The following PCDHGA3 variants were observed in gnomAD, a reference collection of about 807,000 sequenced individuals.
PCDHGA3 encodes protocadherin gamma-A3.
Under a neutral mutation model 58.5 loss-of-function variants are expected in PCDHGA3, and 40 were observed. That is an observed-to-expected ratio of 0.68 (90% confidence interval 0.53 to 0.89). The LOEUF is 0.89. PCDHGA3 is among the 40% of genes least tolerant of loss of function. The pLI, the probability that PCDHGA3 is intolerant of heterozygous loss-of-function variation, is 0.00. For missense variants in PCDHGA3, 1,223 were observed against 1,195.9 expected (o/e 1.02, Z -0.33); for synonymous variants, 530 against 525.7 (o/e 1.01, Z -0.11).
rs2150230162 is a variant in PCDHGA3, at chr5:141,383,367, G to T, written c.2424+36910G>T. The T allele has an allele frequency of 1.9e-6, 3 of 1,614,030 alleles. No individual in the cohort carries two copies. The East Asian group carries it at 6.7e-5, about 36-fold the overall frequency. ...CTGGGGTTCGGTTTCCGTTAAGCGA[G>T]GCTGGGGATCCAGATGTGGGCACGA... On this transcript the variant is annotated intron_variant, in intron 1 of 3. Transcript: ENST00000253812.
At chr5:141,359,130 A>G (rs1042094168) in intron 1 of PCDHGA3, among the ~76,000 whole-genome samples, 2 of 152,228 alleles carry the variant, frequency 1.3e-5, no homozygotes, top group South Asian at 4.1e-4. Context: ...TGCAATACAT[A>G]GAGTAAGCTG....
intron 1 of PCDHGA3, chr5:141,400,123 G>T: frequency 6.2e-7 from 1 of 1,614,082 alleles, no homozygotes; most frequent in Non-Finnish European, 8.5e-7. Flanking sequence ...CAGCTTGCAG[G>T]AGGTGCTGCC....
At chr5:141,438,741 A>T (rs1184994731) in intron 1 of PCDHGA3, among the ~76,000 whole-genome samples, 3 of 148,914 alleles carry the variant, frequency 2.0e-5, no homozygotes, top group South Asian at 2.1e-4. Context: ...AGCTCACTGC[A>T]ACCTCTGCCT....
intron 1 of PCDHGA3, among the ~76,000 whole-genome samples, chr5:141,492,084 G>C (rs979755390): frequency 2.0e-5 from 3 of 152,236 alleles, no homozygotes; most frequent in African/African-American, 7.2e-5. Flanking sequence ...GCTCCGGCAC[G>C]CTTCGCCGGT....
At chr5:141,382,988 G>A (rs958046112) in intron 1 of PCDHGA3, 1 of 1,613,208 alleles carries the variant, frequency 6.2e-7, no homozygotes, top group East Asian at 2.2e-5. Context: ...TGGGCAGGAC[G>A]TATTCTCTAC....
In PCDHGA3 at chr5:141,370,866, C is replaced by A. The variant is rs770980502; in HGVS notation, c.2424+24409C>A. On this transcript the variant is annotated intron_variant, in intron 1 of 3. Transcript: ENST00000253812. ...AGCCACATTTGCCCTGGAATCTGCG[C>A]AAGATCCTGATGTAGGTGTCAATTC... 14 of 1,614,050 alleles carry A rather than the reference C, an allele frequency of 8.7e-6. No homozygotes were observed. In the Admixed American group the frequency reaches 2.3e-4, roughly 27 times the overall value.
At chr5:141,376,685 T>TTTTGTTTTG (rs945381584) in intron 1 of PCDHGA3, 1 of 813,646 alleles carries the variant, frequency 1.2e-6, no homozygotes, top group African/African-American at 1.9e-5. Flanking sequence ...CGTTTTTTTT[T>TTTTGTTTTG]TTTTTTTTTT....
intron 1 of PCDHGA3, chr5:141,410,849 CTTTTTTTT>C (rs759346998): frequency 2.0e-4 from 27 of 138,178 alleles, no homozygotes; most frequent in Middle Eastern, 4.3e-3. Context: ...TTGTCTTTGT[CTTTTTTTT>C]TTTTTTTTTT....
chr5:141,436,590 C>T (rs1050788291), intron 1 of PCDHGA3, among the ~76,000 whole-genome samples: 10 of 152,102 alleles, frequency 6.6e-5, no homozygotes, highest in East Asian at 1.9e-4. Context: ...TTTGAAAGGT[C>T]GTGGTGATGG....
chr5:141,349,641 T>A lies in PCDHGA3; in HGVS notation c.2424+3184T>A, dbSNP rs568995051. ...AATTGATAACATATATATGGAGAGA[T>A]TTAAAATACTAGATAAGGGAGCTTA... On this transcript the variant is annotated intron_variant, in intron 1 of 3. Coordinates refer to ENST00000253812, the MANE Select transcript of PCDHGA3 (RefSeq NM_018916.4). Among the ~76,000 whole-genome samples the A allele has an allele frequency of 1.2e-3, 182 of 152,228 alleles. 1 individual carries two copies. The highest frequency in any genetic ancestry group is 4.2e-3 in the African/African-American group (173 of 41,548).
Position 141,366,331 on chromosome 5 carries a change from G to C in PCDHGA3, c.2424+19874G>C, listed in dbSNP as rs1425078679. 11 of 1,613,846 alleles carry C rather than the reference G, an allele frequency of 6.8e-6. No homozygotes were observed. In the East Asian group the frequency reaches 1.6e-4, roughly 23 times the overall value. On this transcript the variant is annotated intron_variant, in intron 1 of 3. Coordinates refer to ENST00000253812, the MANE Select transcript of PCDHGA3 (RefSeq NM_018916.4). The stretch of plus-strand genomic sequence containing the variant: ...CGGTCACCGTTGCCGTGGCCGACAG[G>C]ATCCCTGACATCCTGGCTGACCTAG...
In PCDHGA3 at chr5:141,435,189, G is replaced by A. The variant is rs569176993; in HGVS notation, c.2425-59618G>A. Among the ~76,000 whole-genome samples the A allele has an allele frequency of 5.3e-5, 8 of 152,166 alleles. No homozygotes were observed. The South Asian group carries it at 8.3e-4, about 16-fold the overall frequency. On this transcript the variant is annotated intron_variant, in intron 1 of 3. Coordinates refer to ENST00000253812, the MANE Select transcript of PCDHGA3 (RefSeq NM_018916.4). ...GTGGCTTTTAACTACACTTGAGATGGCTAGCAAATTCATAAAGTGAATTTA... is the reference window on the plus strand; with the variant it reads ...GTGGCTTTTAACTACACTTGAGATGACTAGCAAATTCATAAAGTGAATTTA...
chr5:141,377,364 A>C (rs1163264209), intron 1 of PCDHGA3: 2 of 152,154 alleles, frequency 1.3e-5, no homozygotes, highest in Non-Finnish European at 2.9e-5. Flanking sequence ...CCACCTCTTC[A>C]GGAGGCTGAG....
intron 1 of PCDHGA3, among the ~76,000 whole-genome samples, chr5:141,455,393 C>G (rs574741955): frequency 6.4e-4 from 97 of 152,150 alleles, no homozygotes; most frequent in African/African-American, 2.2e-3. Flanking sequence ...GAAGGAGCTC[C>G]CCCTTACAGA....
intron 1 of PCDHGA3, among the ~76,000 whole-genome samples, chr5:141,369,397 TG>T (rs1766213103): frequency 6.6e-6 from 1 of 152,082 alleles, no homozygotes; most frequent in Non-Finnish European, 1.5e-5. Flanking sequence ...TGGGCCAGGG[TG>T]GTTCATGACT....
intron 2 of PCDHGA3, among the ~76,000 whole-genome samples, chr5:141,501,983 C>G (rs957901405): frequency 6.6e-6 from 1 of 152,068 alleles, no homozygotes; most frequent in Non-Finnish European, 1.5e-5. Flanking sequence ...CATCTGGTCC[C>G]GTTGTCTCCC....
In PCDHGA3 at chr5:141,344,844, G is replaced by A. The variant is rs1426133781; in HGVS notation, c.811G>A (p.Glu271Lys). Residue 271 changes from glutamate to lysine, a missense_variant, in exon 1 of 4, where the codon GAG becomes AAG. Physicochemically the swap from Glu to Lys is moderately conservative, Grantham distance 56 (BLOSUM62 1). Transcript: ENST00000253812. ...LLTVNATDPD[E>K]GFNAQVSYIL... ...CACGGTGAATGCCACTGACCCTGAC[G>A]AGGGATTCAATGCTCAAGTGTCTTA... 9 of 1,613,818 alleles carry A rather than the reference G, an allele frequency of 5.6e-6. No homozygotes were observed. The highest frequency in any genetic ancestry group is 4.4e-5 in the South Asian group (4 of 91,086).
chr5:141,499,689 C>CTTTTT (rs545067566), intron 2 of PCDHGA3, among the ~76,000 whole-genome samples: 5 of 119,848 alleles, frequency 4.2e-5, no homozygotes, highest in Admixed American at 8.7e-5. Context: ...TAACAGATGA[C>CTTTTT]TTTTTTTTTT....
chr5:141,375,308 G>A (rs761294258), intron 1 of PCDHGA3: 1 of 1,613,722 alleles, frequency 6.2e-7, no homozygotes, highest in African/African-American at 1.3e-5. Flanking sequence ...GACAAATGCA[G>A]CTCTAGACCG....
Sources: gnomAD v4.1 joint callset for allele counts (sites outside exome capture counted in the v4.1 genomes callset) on GRCh38, gnomAD v4.1.1 for gene constraint, MANE v1.5 for transcripts, NCBI Gene and HGNC (gene_info 2026-07-23, HGNC 2026-07-21) for gene names.